RSPRY1: variants seen among roughly 807,000 people sequenced by gnomAD.
The protein encoded by RSPRY1 is RING finger and SPRY domain-containing protein 1.
Under a neutral mutation model 73.1 loss-of-function variants are expected in RSPRY1, and 23 were observed. The ratio of observed to expected loss-of-function variants is 0.31; its 90% CI spans 0.23 to 0.45. The LOEUF (loss-of-function observed/expected upper bound fraction) is 0.45, where lower values mean the gene tolerates loss of function less well. RSPRY1 is among the 20% of genes least tolerant of loss of function. RSPRY1 has a pLI of 1.00. For synonymous variants in RSPRY1, 226 were observed against 251.4 expected, an observed-to-expected ratio of 0.90 and a Z score of 0.95; for missense variants, 448 against 698.7, an observed-to-expected ratio of 0.64 and a Z score of 4.05.
chr16:57,216,728 A>T (rs188904325), intron 7 of RSPRY1, among the ~76,000 whole-genome samples, 176 bp from the exon 8 acceptor site: 1 of 152,200 alleles, frequency 6.6e-6, no homozygotes, highest in Non-Finnish European at 1.5e-5. Context: ...ACTAAAAAAA[A>T]GGAAAACAAA....
chr16:57,186,720 G>A (rs1240630833), intron 1 of RSPRY1: 3 of 151,998 alleles, frequency 2.0e-5, no homozygotes, highest in Non-Finnish European at 4.4e-5. Flanking sequence ...CCTCTTTCGG[G>A]GGTCCTCACC....
chr16:57,200,947 C>CGG (rs747010905), intron 1 of RSPRY1, among the ~76,000 whole-genome samples: 2 of 18,426 alleles, frequency 1.1e-4, no homozygotes, highest in Admixed American at 6.4e-4. Context: ...GGCGGCTGGC[C>CGG]GGGGGGGGGG....
chr16:57,219,523 ATTGAC>A (rs1567506717), intron 8 of RSPRY1: 1 of 152,068 alleles, frequency 6.6e-6, no homozygotes, highest in Non-Finnish European at 1.5e-5. Flanking sequence ...ATGTTTTCCT[ATTGAC>A]TTATATGACC....
At chr16:57,187,485 A>G (rs1331785421) in intron 1 of RSPRY1, among the ~76,000 whole-genome samples, 2 of 152,134 alleles carry the variant, frequency 1.3e-5, no homozygotes, top group Non-Finnish European at 2.9e-5. Flanking sequence ...CAGGCCCTTT[A>G]CCTACCATCT....
intron 11 of RSPRY1, among the ~76,000 whole-genome samples, chr16:57,228,547 GA>G (rs1228503783): frequency 2.6e-5 from 4 of 151,600 alleles, no homozygotes; most frequent in South Asian, 2.1e-4. Context: ...TTGAAAAATA[GA>G]AAAAAAATGA....
intron 3 of RSPRY1, 132 bp from the exon 4 acceptor site, chr16:57,208,943 C>T: frequency 1.7e-6 from 1 of 598,492 alleles, no homozygotes; most frequent in Non-Finnish European, 2.9e-6. Flanking sequence ...TGATTATGTC[C>T]ATGCCAAATA....
chr16:57,202,244 G>C (rs1049790313), intron 1 of RSPRY1, among the ~76,000 whole-genome samples: 1 of 151,900 alleles, frequency 6.6e-6, no homozygotes, highest in Non-Finnish European at 1.5e-5. Context: ...GGTGGGTGGC[G>C]GGGGTCCTTG....
intron 13 of RSPRY1, among the ~76,000 whole-genome samples, chr16:57,234,650 T>C (rs147377862): frequency 6.6e-6 from 1 of 152,354 alleles, no homozygotes; most frequent in Non-Finnish European, 1.5e-5. Flanking sequence ...AGTGAAAGTA[T>C]AATGGAAGGG....
At chr16:57,192,704 G>C (rs1267931608) in intron 1 of RSPRY1, among the ~76,000 whole-genome samples, 1 of 147,016 alleles carries the variant, frequency 6.8e-6, no homozygotes, top group Non-Finnish European at 1.5e-5. Flanking sequence ...TTTTTCCAGA[G>C]ACTCTTTTTT....
intron 1 of RSPRY1, among the ~76,000 whole-genome samples, chr16:57,189,593 C>CTTTTTTTTTTT (rs544146883): frequency 2.1e-4 from 26 of 124,050 alleles, no homozygotes; most frequent in Non-Finnish European, 3.1e-4. Context: ...CTTTTCTTTT[C>CTTTTTTTTTTT]TTTTTTTTTT....
intron 10 of RSPRY1, among the ~76,000 whole-genome samples, chr16:57,222,349 C>T (rs1414002797): frequency 2.0e-5 from 3 of 152,236 alleles, no homozygotes; most frequent in Non-Finnish European, 4.4e-5. Context: ...TTACCTCAGC[C>T]TCCTGAATAG....
Position 57,216,140 on chromosome 16 carries a change from G to C in RSPRY1, c.736G>C (p.Ala246Pro). ...GTCCCACCCCACAGTCATGCTTTTT[G>C]CACTTATCGCACTGGAAAAGTTTGC... ...LQSHPTVMLF[A>P]LIALEKFAQT... Residue 246 changes from alanine to proline, a missense_variant, in exon 7 of 15, where the codon GCA becomes CCA. Ala to Pro is a conservative substitution (Grantham distance 27). Transcript: ENST00000394420. 1 of 1,600,200 alleles carries C rather than the reference G, an allele frequency of 6.2e-7. No individual in the cohort carries two copies. Among genetic ancestry groups the C allele is most frequent in the Non-Finnish European group, 8.5e-7 (1 of 1,174,588 alleles).
At chr16:57,201,248 G>A (rs1469523158) in intron 1 of RSPRY1, among the ~76,000 whole-genome samples, 6 of 151,822 alleles carry the variant, frequency 4.0e-5, no homozygotes, top group Non-Finnish European at 8.8e-5. Flanking sequence ...AGACGGTGTG[G>A]CTGCCAGGTG....
At chr16:57,221,156 A>G in intron 9 of RSPRY1, 116 bp from the exon 10 acceptor site, 1 of 1,267,804 alleles carries the variant, frequency 7.9e-7, no homozygotes, top group Non-Finnish European at 1.1e-6. Flanking sequence ...AGGAGGAAGC[A>G]ATAGTCCACC....
chr16:57,196,428 C>CTG lies in RSPRY1; in HGVS notation c.-155-8073_-155-8072dup, dbSNP rs541495034. ...TGTGTCCTTCCTGCTGTGCCAGGTTCTGTGGTAGGTTCTATACACAGTGAT... is the reference window on the plus strand; with the variant it reads ...TGTGTCCTTCCTGCTGTGCCAGGTTCTGTGTGGTAGGTTCTATACACAGTGAT... On this transcript the variant is annotated intron_variant, in intron 1 of 14. Coordinates refer to ENST00000394420, the MANE Select transcript of RSPRY1 (RefSeq NM_133368.3). Among the ~76,000 whole-genome samples the CTG allele has an allele frequency of 3.4e-3, 515 of 152,286 alleles. 2 individuals are homozygous for CTG. The highest frequency in any genetic ancestry group is 0.017 in the Middle Eastern group (5 of 294).
chr16:57,235,198 C>T lies in RSPRY1; in HGVS notation c.1604C>T (p.Ala535Val). ...TGTTCCCTTTGTTGTGATGAGGTAGCAGACACACAATTGAAGCCATGTGGA... is the reference window on the plus strand; with the variant it reads ...TGTTCCCTTTGTTGTGATGAGGTAGTAGACACACAATTGAAGCCATGTGGA... ...NCCSLCCDEV[A>V]DTQLKPCGHS... is the part of the protein sequence containing the mutation. The change falls in exon 14 of 15, where the codon GCA becomes GTA. Residue 535 changes from alanine (A) to valine (V), a missense_variant. Coordinates refer to ENST00000394420, the MANE Select transcript of RSPRY1 (RefSeq NM_133368.3). The T allele has an allele frequency of 6.2e-7, 1 of 1,613,922 alleles. No homozygotes were observed. The highest frequency in any genetic ancestry group is 1.1e-5 in the South Asian group (1 of 91,082).
At chr16:57,217,724 G>A (rs2074964132) in intron 8 of RSPRY1, among the ~76,000 whole-genome samples, 1 of 152,042 alleles carries the variant, frequency 6.6e-6, no homozygotes, top group African/African-American at 2.4e-5. Flanking sequence ...TTGGATTTTG[G>A]AGCATTTTGG....
intron 8 of RSPRY1, chr16:57,220,135 T>TC: frequency 6.6e-6 from 1 of 152,366 alleles, no homozygotes; most frequent in Admixed American, 6.5e-5. Flanking sequence ...TTTTTGCTAT[T>TC]CTGGGTCTTT....
chr16:57,200,438 G>A (rs2074550062), intron 1 of RSPRY1, among the ~76,000 whole-genome samples: 1 of 152,080 alleles, frequency 6.6e-6, no homozygotes, highest in Non-Finnish European at 1.5e-5. Context: ...CCCAGACGGG[G>A]TGGTGGCCGG....
Sources: allele counts gnomAD v4.1 joint callset (sites outside exome capture counted in the v4.1 genomes callset), GRCh38; gene constraint gnomAD v4.1.1; transcripts MANE v1.5; gene names NCBI Gene and HGNC (gene_info 2026-07-23, HGNC 2026-07-21).